The following CAMK1D variants were observed in gnomAD, a reference collection of about 807,000 sequenced individuals.
CAMK1D encodes calcium/calmodulin dependent protein kinase ID.
CAMK1D carries 9 observed loss-of-function variants against 47.7 expected under a neutral mutation model. That is an observed-to-expected ratio of 0.19 (90% CI 0.11 to 0.33). The LOEUF is 0.33. Among genes scored for constraint, CAMK1D ranks in the 10% least tolerant of loss-of-function variants. The pLI is 1.00. For missense variants in CAMK1D, 291 were observed against 488.7 expected, an observed-to-expected ratio of 0.60 and a Z score of 3.81; for synonymous variants, 184 against 184.9, an observed-to-expected ratio of 0.99 and a Z score of 0.04.
At chr10:12,419,257 AAAAT>A (rs1839963617) in intron 1 of CAMK1D, among the ~76,000 whole-genome samples, 1 of 152,140 alleles carries the variant, frequency 6.6e-6, no homozygotes, top group Non-Finnish European at 1.5e-5. Context: ...TATGAAAAAA[AAAAT>A]AAATAAAAGG....
intron 2 of CAMK1D, among the ~76,000 whole-genome samples, chr10:12,611,554 C>T (rs1838620831): frequency 6.8e-6 from 1 of 147,318 alleles, no homozygotes; most frequent in African/African-American, 2.5e-5. Context: ...CCTGTCCTCT[C>T]TGTACCCCCA....
intron 3 of CAMK1D, among the ~76,000 whole-genome samples, chr10:12,727,365 G>A (rs113897131): frequency 0.051 from 7,819 of 152,296 alleles, 391 homozygotes; most frequent in African/African-American, 0.12. Flanking sequence ...CTGTGCTTAT[G>A]TAACGATATT....
chr10:12,664,774 C>T (rs1840377036), intron 2 of CAMK1D, among the ~76,000 whole-genome samples: 2 of 152,238 alleles, frequency 1.3e-5, no homozygotes, highest in African/African-American at 2.4e-5. Context: ...CGTTTTGCTA[C>T]AGTTCAGATG....
At chr10:12,513,715 C>T (rs1588574090) in intron 1 of CAMK1D, among the ~76,000 whole-genome samples, 2 of 152,090 alleles carry the variant, frequency 1.3e-5, no homozygotes, top group East Asian at 1.9e-4. Context: ...GTGGGAGGAT[C>T]ACTTGAGCCC....
intron 1 of CAMK1D, among the ~76,000 whole-genome samples, chr10:12,540,116 T>C (rs1836119260): frequency 6.8e-6 from 1 of 147,416 alleles, no homozygotes; most frequent in South Asian, 2.1e-4. Flanking sequence ...TTTTGGAGAG[T>C]TGGGGGTCTT....
At chr10:12,735,248 G>A (rs1412290387) in intron 3 of CAMK1D, among the ~76,000 whole-genome samples, 1 of 152,088 alleles carries the variant, frequency 6.6e-6, no homozygotes, top group African/African-American at 2.4e-5. Context: ...AGGCCGAGGC[G>A]GGCGGATCAC....
At chr10:12,695,684 C>CTCCTTTTTGTT (rs1833262299) in intron 3 of CAMK1D, among the ~76,000 whole-genome samples, 1 of 152,048 alleles carries the variant, frequency 6.6e-6, no homozygotes, top group African/African-American at 2.4e-5. Flanking sequence ...TACTAATGAC[C>CTCCTTTTTGTT]ATGTTTTGGT....
At chr10:12,646,217 C>A (rs1313022264) in intron 2 of CAMK1D, among the ~76,000 whole-genome samples, 3 of 152,110 alleles carry the variant, frequency 2.0e-5, no homozygotes, top group Non-Finnish European at 4.4e-5. Flanking sequence ...ATAGTAATTT[C>A]CTAAAATGTT....
At chr10:12,601,714 G>A (rs1034558559) in intron 2 of CAMK1D, among the ~76,000 whole-genome samples, 3 of 152,110 alleles carry the variant, frequency 2.0e-5, no homozygotes, top group Non-Finnish European at 2.9e-5. Flanking sequence ...CGCCCGCCTC[G>A]GCCTCCCAAA....
chr10:12,529,503 G>A (rs1283108214), intron 1 of CAMK1D, among the ~76,000 whole-genome samples: 1 of 152,208 alleles, frequency 6.6e-6, no homozygotes, highest in African/African-American at 2.4e-5. Flanking sequence ...GGACAAAGGG[G>A]CTACCCTCCT....
intron 1 of CAMK1D, among the ~76,000 whole-genome samples, chr10:12,396,978 C>T (rs1838985847): frequency 6.6e-6 from 1 of 152,240 alleles, no homozygotes; most frequent in African/African-American, 2.4e-5. Context: ...CAATTTATCG[C>T]TCATCTCGAC....
intron 1 of CAMK1D, among the ~76,000 whole-genome samples, chr10:12,437,172 C>G (rs1832658830): frequency 6.6e-6 from 1 of 151,172 alleles, no homozygotes; most frequent in African/African-American, 2.5e-5. Context: ...ATCTATCTGT[C>G]CATCTGTCTG....
chr10:12,649,929 T>A (rs1340750480), intron 2 of CAMK1D, among the ~76,000 whole-genome samples: 1 of 152,140 alleles, frequency 6.6e-6, no homozygotes, highest in Non-Finnish European at 1.5e-5. Context: ...AGCGAGAGGG[T>A]CAGGACTCCA....
At chr10:12,463,202 A>G (rs796741592) in intron 1 of CAMK1D, among the ~76,000 whole-genome samples, 5 of 147,728 alleles carry the variant, frequency 3.4e-5, no homozygotes, top group African/African-American at 1.3e-4. Context: ...CAATGGCGTG[A>G]TCTTGGCTCA....
At chr10:12,569,079 C>T (rs1837234438) in intron 2 of CAMK1D, among the ~76,000 whole-genome samples, 1 of 152,012 alleles carries the variant, frequency 6.6e-6, no homozygotes, top group Non-Finnish European at 1.5e-5. Context: ...TGAAGATTTC[C>T]ATGGTATTGT....
At chr10:12,776,638 T>C (rs933969042) in intron 5 of CAMK1D, among the ~76,000 whole-genome samples, 4 of 152,212 alleles carry the variant, frequency 2.6e-5, no homozygotes, top group Non-Finnish European at 5.9e-5. Flanking sequence ...TATATGTTAT[T>C]GAATCATTAA....
At chr10:12,498,983 T>C (rs1588557217) in intron 1 of CAMK1D, among the ~76,000 whole-genome samples, 1 of 152,158 alleles carries the variant, frequency 6.6e-6, no homozygotes, top group Non-Finnish European at 1.5e-5. Context: ...GTAGCAGTTT[T>C]AGCAGTGGAT....
At chr10:12,418,668 A>T (rs1417338309) in intron 1 of CAMK1D, among the ~76,000 whole-genome samples, 1 of 152,208 alleles carries the variant, frequency 6.6e-6, no homozygotes, top group Non-Finnish European at 1.5e-5. Flanking sequence ...CCTTCTTATC[A>T]CATCCTTGCC....
At chr10:12,661,437 A>G (rs544063478) in intron 2 of CAMK1D, among the ~76,000 whole-genome samples, 6 of 152,346 alleles carry the variant, frequency 3.9e-5, no homozygotes, top group Admixed American at 6.5e-5. Context: ...GCCTCATGGG[A>G]TCTTAGTCTC....
Sources: gnomAD v4.1 joint callset for allele counts (sites outside exome capture counted in the v4.1 genomes callset) on GRCh38, gnomAD v4.1.1 for gene constraint, MANE v1.5 for transcripts, NCBI Gene and HGNC (gene_info 2026-07-23, HGNC 2026-07-21) for gene names.